Variants in GZMA observed in about 807,000 individuals in gnomAD.
GZMA encodes CTL tryptase.
GZMA carries 17 observed loss-of-function variants against 21.1 expected under a neutral mutation model. That is an observed-to-expected ratio of 0.81 (90% CI 0.55 to 1.21). GZMA has a LOEUF of 1.21. GZMA is among the 50% of genes most tolerant of loss of function. The probability of loss-of-function intolerance (pLI) is 0.00; values close to 1 mark genes in which losing one functional copy is unlikely to be tolerated. For missense variants in GZMA, 306 were observed against 315.9 expected (o/e 0.97, Z 0.24); for synonymous variants, 90 against 107.8 (o/e 0.83, Z 1.03).
At chr5:55,103,621 C>G (rs1350609626) in intron 1 of GZMA, among the ~76,000 whole-genome samples, 1 of 152,122 alleles carries the variant, frequency 6.6e-6, no homozygotes, top group Non-Finnish European at 1.5e-5. Flanking sequence ...CAATATGGAG[C>G]CAGCCACGGT....
Position 55,110,238 on chromosome 5 carries a change from A to G in GZMA, c.*56A>G. The G allele has an allele frequency of 1.5e-6, 2 of 1,311,698 alleles. No homozygotes were observed. The highest frequency in any genetic ancestry group is 2.6e-4 in the Middle Eastern group (1 of 3,824). The allele number at this position is 1,311,698 out of a possible 1,614,324, so 81.3% of individuals were successfully genotyped here. A position where few individuals can be genotyped will look rare whatever the true frequency, so the allele number is the denominator to read the frequency against. On this transcript the variant is annotated 3_prime_UTR_variant, in exon 5 of 5. Coordinates refer to ENST00000274306, the MANE Select transcript of GZMA (RefSeq NM_006144.4). ...CTTAATCTTTTCACAAATAAAATCA[A>G]TTTGCATGACTGTACCTGTTTCTCT...
chr5:55,108,306 A>G lies in GZMA; in HGVS notation c.539A>G (p.Asn180Ser). The change falls in exon 4 of 5, where the codon AAT (asparagine) becomes AGT (serine). Residue 180 changes from asparagine (N) to serine (S), a missense_variant. Transcript: ENST00000274306. Reference sequence around the variant, plus strand: ...ACCATCATAGACAGAAAAGTCTGCAATGATCGAAATCACTATAATTTTAAC... The same window carrying G: ...ACCATCATAGACAGAAAAGTCTGCAGTGATCGAAATCACTATAATTTTAAC... Reference protein sequence around the residue: ...NITIIDRKVCNDRNHYNFNPV... With the variant: ...NITIIDRKVCSDRNHYNFNPV... The G allele has an allele frequency of 1.9e-6, 3 of 1,613,560 alleles. No homozygotes were observed. Among genetic ancestry groups the G allele is most frequent in the Non-Finnish European group, 2.5e-6 (3 of 1,179,486 alleles).
rs766675685 is a variant in GZMA, at chr5:55,108,284, A to G, written c.517A>G (p.Ile173Val). The G allele has an allele frequency of 1.9e-6, 3 of 1,613,726 alleles. No individual in the cohort carries two copies. The highest frequency in any genetic ancestry group is 2.5e-6 in the Non-Finnish European group (3 of 1,179,670). Residue 173 changes from isoleucine (I) to valine (V), a missense_variant, in exon 4 of 5, where the codon ATC becomes GTC. Transcript: ENST00000274306. ...SDTLREVNIT[I>V]IDRKVCNDRN... ...TACTCTGAGAGAAGTCAATATCACC[A>G]TCATAGACAGAAAAGTCTGCAATGA...
chr5:55,104,934 G>A (rs1742360910), intron 1 of GZMA, among the ~76,000 whole-genome samples: 1 of 152,184 alleles, frequency 6.6e-6, no homozygotes. Context: ...TGAGAACAGT[G>A]CAGTTTAATA....
rs548589651 is a variant in GZMA, at chr5:55,109,908, A to G, written c.628-113A>G. 23 of 593,540 alleles carry G rather than the reference A, an allele frequency of 3.9e-5. No homozygotes were observed. In the South Asian group the frequency reaches 1.0e-3, roughly 26 times the overall value. 36.8% of individuals were successfully genotyped at this position (593,540 alleles called of 1,614,324 possible). A position where few individuals can be genotyped will look rare whatever the true frequency, so the allele number is the denominator to read the frequency against. ...TTTTAAAATTAAAGCACTATCTTCA[A>G]TTAAGTCAAGGTTGGTCTTAACTGC... On this transcript the variant is annotated intron_variant, in intron 4 of 4. Transcript: ENST00000274306.
Position 55,110,013 on chromosome 5 carries a change from T to C in GZMA, c.628-8T>C. 1 of 1,586,396 alleles carries C rather than the reference T, an allele frequency of 6.3e-7. No homozygotes were observed. Among genetic ancestry groups the C allele is most frequent in the Non-Finnish European group, 8.6e-7 (1 of 1,168,802 alleles). On this transcript the variant is annotated splice_region_variant and splice_polypyrimidine_tract_variant and intron_variant, in intron 4 of 4. Coordinates refer to ENST00000274306, the MANE Select transcript of GZMA (RefSeq NM_006144.4). ...ACCCCACACCCTACCCCTCTTGTTT[T>C]CCTCCAGGGAGATTCTGGAAGCCCT...
At chr5:55,105,854 C>A (rs1454797637) in intron 2 of GZMA, among the ~76,000 whole-genome samples, 1 of 151,758 alleles carries the variant, frequency 6.6e-6, no homozygotes, top group Admixed American at 6.6e-5. Flanking sequence ...TGCCTGTAAT[C>A]CCAGCTACTT....
rs750288604 is a variant in GZMA at position 55,108,272 on chromosome 5, G to C, written c.505G>C (p.Val169Leu). The change falls in exon 4 of 5, where the codon GTC (valine) becomes CTC (leucine). Residue 169 changes from valine to leucine, a missense_variant. Physicochemically the swap from Val to Leu is conservative, Grantham distance 32. Transcript: ENST00000274306. ...ATCTTGGTCCGATACTCTGAGAGAAGTCAATATCACCATCATAGACAGAAA... is the reference window on the plus strand; with the variant it reads ...ATCTTGGTCCGATACTCTGAGAGAACTCAATATCACCATCATAGACAGAAA... ...SASWSDTLREVNITIIDRKVC... is the reference protein window; with the variant it reads ...SASWSDTLRELNITIIDRKVC... 1 of 1,613,908 alleles carries C rather than the reference G, an allele frequency of 6.2e-7. No homozygotes were observed. Among genetic ancestry groups the C allele is most frequent in the Non-Finnish European group, 8.5e-7 (1 of 1,179,880 alleles).
chr5:55,103,487 G>C (rs1411092693), intron 1 of GZMA, among the ~76,000 whole-genome samples: 1 of 152,130 alleles, frequency 6.6e-6, no homozygotes, highest in African/African-American at 2.4e-5. Flanking sequence ...TGTGAGTTGA[G>C]CATGCATGGG....
At position 55,110,123 on chromosome 5, in the gene GZMA, A is replaced by C; in HGVS notation, c.730A>C (p.Ile244Leu). ...CGDPRGPGVYILLSKKHLNWI... is the reference protein window; with the variant it reads ...CGDPRGPGVYLLLSKKHLNWI... ...AGACCCTCGTGGGCCTGGTGTCTAT[A>C]TTCTTCTCTCAAAGAAACACCTCAA... Residue 244 changes from isoleucine (I) to leucine (L), a missense_variant, in exon 5 of 5, where the codon ATT becomes CTT. Coordinates refer to ENST00000274306, the MANE Select transcript of GZMA (RefSeq NM_006144.4). The C allele has an allele frequency of 1.2e-6, 2 of 1,612,204 alleles. No individual in the cohort carries two copies. The highest frequency in any genetic ancestry group is 1.7e-6 in the Non-Finnish European group (2 of 1,178,786).
chr5:55,105,561 T>A lies in GZMA; in HGVS notation c.158T>A (p.Ile53Asn). 6.2e-7 allele frequency: 1 copy of A among 1,613,672 alleles called. No homozygotes were observed. Among genetic ancestry groups the A allele is most frequent in the Non-Finnish European group, 8.5e-7 (1 of 1,179,588 alleles). ...MVLLSLDRKT[I>N]CAGALIAKDW... ...CTACTTAGTCTTGACAGAAAAACCA[T>A]CTGTGCTGGGGCTTTGATTGCAAAA... The change falls in exon 2 of 5, where the codon ATC becomes AAC. Residue 53 changes from isoleucine to asparagine, a missense_variant. By Grantham distance (149) the Ile-to-Asn change is moderately radical. Coordinates refer to ENST00000274306, the MANE Select transcript of GZMA (RefSeq NM_006144.4).
rs907128511 is a variant in GZMA at position 55,108,281 on chromosome 5, A to G, written c.514A>G (p.Thr172Ala). The G allele has an allele frequency of 1.9e-6, 3 of 1,613,580 alleles. No individual in the cohort carries two copies. Among genetic ancestry groups the G allele is most frequent in the Non-Finnish European group, 2.5e-6 (3 of 1,179,544 alleles). Residue 172 changes from threonine to alanine, a missense_variant, in exon 4 of 5, where the codon ACC (threonine) becomes GCC (alanine). Transcript: ENST00000274306. Reference sequence around the variant, plus strand: ...CGATACTCTGAGAGAAGTCAATATCACCATCATAGACAGAAAAGTCTGCAA... The same window carrying G: ...CGATACTCTGAGAGAAGTCAATATCGCCATCATAGACAGAAAAGTCTGCAA... The part of the protein sequence containing the change: ...WSDTLREVNI[T>A]IIDRKVCNDR...
chr5:55,108,938 G>T (rs558264956), intron 4 of GZMA, among the ~76,000 whole-genome samples: 108 of 152,302 alleles, frequency 7.1e-4, no homozygotes, highest in African/African-American at 2.4e-3. Context: ...CAGAAAATGT[G>T]TAAGCTTCCA....
At chr5:55,107,579 A>G (rs1742434470) in intron 2 of GZMA, among the ~76,000 whole-genome samples, 1 of 152,192 alleles carries the variant, frequency 6.6e-6, no homozygotes, top group Admixed American at 6.5e-5. Context: ...CTTTTTATAA[A>G]TAAGCTGGTG....
intron 4 of GZMA, 21 bp downstream of exon 4, chr5:55,108,415 C>A: frequency 6.3e-7 from 1 of 1,587,892 alleles, no homozygotes; most frequent in Non-Finnish European, 8.6e-7. Context: ...TAAGATCCCA[C>A]GTTTCAGCTA....
At chr5:55,109,976 T>C (rs771594401) in intron 4 of GZMA, 45 bp from the exon 5 acceptor site, 1 of 1,422,006 alleles carries the variant, frequency 7.0e-7, no homozygotes. Context: ...CTAGTGGTAA[T>C]GCTGAACACT....
chr5:55,105,247 A>T (rs1405512216), intron 1 of GZMA, among the ~76,000 whole-genome samples: 3 of 152,190 alleles, frequency 2.0e-5, no homozygotes, highest in Non-Finnish European at 4.4e-5. Context: ...ATCCTGGAAC[A>T]GTCAATGGCC....
intron 1 of GZMA, among the ~76,000 whole-genome samples, chr5:55,104,068 T>A (rs887097461): frequency 2.0e-5 from 3 of 151,960 alleles, no homozygotes; most frequent in African/African-American, 7.2e-5. Context: ...TGCAGGACAT[T>A]TGGGACAAAG....
In GZMA at chr5:55,107,826, A is replaced by G; in HGVS notation, c.248A>G (p.His83Arg). ...NKRSQVILGA[H>R]SITREEPTKQ... Reference sequence around the variant, plus strand: ...AGGTCCCAGGTCATTCTTGGGGCTCACTCAATAACCAGGGAAGAGCCAACA... The same window carrying G: ...AGGTCCCAGGTCATTCTTGGGGCTCGCTCAATAACCAGGGAAGAGCCAACA... Residue 83 changes from histidine to arginine, a missense_variant, in exon 3 of 5, where the codon CAC (histidine) becomes CGC (arginine). His to Arg is a conservative substitution (Grantham distance 29, BLOSUM62 0). Transcript: ENST00000274306. 6.2e-7 allele frequency: 1 copy of G among 1,612,222 alleles called. No homozygotes were observed. The highest frequency in any genetic ancestry group is 8.5e-7 in the Non-Finnish European group (1 of 1,178,320).
Sources: gnomAD v4.1 joint callset for allele counts (sites outside exome capture counted in the v4.1 genomes callset) on GRCh38, gnomAD v4.1.1 for gene constraint, MANE v1.5 for transcripts, NCBI Gene and HGNC (gene_info 2026-07-23, HGNC 2026-07-21) for gene names.